The following SRGAP3 variants were observed in gnomAD, a reference collection of about 807,000 sequenced individuals.
SRGAP3 encodes SLIT-ROBO Rho GTPase activating protein 3, also known as SLIT-ROBO Rho GTPase-activating protein 3.
A neutral mutation model predicts 121.1 loss-of-function variants in SRGAP3; 39 were observed. The ratio of observed to expected loss-of-function variants is 0.32; its 90% CI spans 0.25 to 0.42. The LOEUF is 0.42. Ranked by LOEUF, SRGAP3 falls within the 10% of genes least tolerant of loss-of-function variation. The pLI is 1.00. For synonymous variants in SRGAP3, 601 were observed against 570.0 expected (o/e 1.05, Z -0.77); for missense variants, 1,213 against 1,470.6 (o/e 0.82, Z 2.86).
At chr3:8,993,189 G>GCCACTGC (rs1300199443) in intron 19 of SRGAP3, 134 bp from the exon 20 acceptor site, 64 of 1,417,048 alleles carry the variant, frequency 4.5e-5, no homozygotes, top group Non-Finnish European at 5.8e-5. Context: ...CGCTTGCTAG[G>GCCACTGC]CCACTGCCCA....
intron 1 of SRGAP3, among the ~76,000 whole-genome samples, chr3:9,141,593 T>TGTGC (rs1360606592): frequency 6.9e-6 from 1 of 144,024 alleles, no homozygotes; most frequent in Non-Finnish European, 1.5e-5. Flanking sequence ...TGTGTGTGTG[T>TGTGC]GTGTGTGTGT....
At chr3:9,272,336 CA>C (rs1954492914) in intron 3 of SRGAP3, among the ~76,000 whole-genome samples, 1 of 152,204 alleles carries the variant, frequency 6.6e-6, no homozygotes, top group Admixed American at 6.5e-5. Context: ...GTTGTGCAGC[CA>C]GCACCACCAT....
intron 1 of SRGAP3, among the ~76,000 whole-genome samples, chr3:9,174,448 G>A (rs368152610): frequency 1.1e-4 from 17 of 152,282 alleles, no homozygotes; most frequent in Admixed American, 7.8e-4. Context: ...GAAAGGAAAC[G>A]GAGGGAGAAA....
intron 4 of SRGAP3, among the ~76,000 whole-genome samples, chr3:9,072,204 C>T (rs1946754432): frequency 6.6e-6 from 1 of 152,170 alleles, no homozygotes; most frequent in Admixed American, 6.5e-5. Flanking sequence ...TGCTGCTTCC[C>T]ACCGCGCTAA....
intron 18 of SRGAP3, among the ~76,000 whole-genome samples, chr3:8,997,587 GTC>G (rs1400446600): frequency 6.6e-6 from 1 of 151,920 alleles, no homozygotes; most frequent in Non-Finnish European, 1.5e-5. Context: ...CATCTTCTCT[GTC>G]TCTCTCTCTC....
intron 11 of SRGAP3, chr3:9,037,862 G>T: frequency 5.9e-6 from 4 of 672,816 alleles, no homozygotes; most frequent in Non-Finnish European, 1.0e-5. Flanking sequence ...CGCCAGCCTG[G>T]AGGGGCGTGG....
At chr3:9,273,082 G>C (rs1469648996) in intron 3 of SRGAP3, among the ~76,000 whole-genome samples, 1 of 152,100 alleles carries the variant, frequency 6.6e-6, no homozygotes, top group Non-Finnish European at 1.5e-5. Context: ...GATGGTTTTG[G>C]GATTAAACTG....
At chr3:9,127,369 G>A (rs536063528) in intron 1 of SRGAP3, among the ~76,000 whole-genome samples, 97 of 152,332 alleles carry the variant, frequency 6.4e-4, no homozygotes, top group African/African-American at 2.2e-3. Flanking sequence ...CAGACCAGCA[G>A]CATCAGCACC....
chr3:9,073,278 C>T (rs748295055), intron 4 of SRGAP3, among the ~76,000 whole-genome samples: 9 of 152,076 alleles, frequency 5.9e-5, no homozygotes, highest in East Asian at 1.9e-4. Context: ...CGGGTAGCTG[C>T]GACTATAGGT....
intron 4 of SRGAP3, among the ~76,000 whole-genome samples, chr3:9,068,690 G>A (rs1400416659): frequency 6.6e-6 from 1 of 152,146 alleles, no homozygotes. Flanking sequence ...CAGCATGAAT[G>A]GTCCTTAGCT....
chr3:9,207,630 G>C (rs1165753356), intron 1 of SRGAP3, among the ~76,000 whole-genome samples: 5 of 152,164 alleles, frequency 3.3e-5, no homozygotes, highest in Non-Finnish European at 2.9e-5. Flanking sequence ...CCACACTACA[G>C]GTCCAGTAAA....
chr3:9,159,819 C>A (rs1229567876), intron 1 of SRGAP3, among the ~76,000 whole-genome samples: 3 of 152,150 alleles, frequency 2.0e-5, no homozygotes, highest in Non-Finnish European at 4.4e-5. Flanking sequence ...CCAGAAGAGG[C>A]CAATACTGTC....
chr3:9,305,208 T>C (rs891244688), intron 3 of SRGAP3, among the ~76,000 whole-genome samples: 6 of 151,802 alleles, frequency 4.0e-5, no homozygotes, highest in African/African-American at 9.7e-5. Flanking sequence ...GGAGGAAGGA[T>C]TGGGCAGGAA....
chr3:9,266,718 A>T (rs1436039413), intron 3 of SRGAP3, among the ~76,000 whole-genome samples: 2 of 151,986 alleles, frequency 1.3e-5, no homozygotes, highest in Non-Finnish European at 2.9e-5. Context: ...ACCAGGTGCC[A>T]GGGCAGCAGA....
chr3:9,315,547 G>A (rs942187930), intron 3 of SRGAP3, among the ~76,000 whole-genome samples: 3 of 152,158 alleles, frequency 2.0e-5, no homozygotes, highest in Non-Finnish European at 2.9e-5. Context: ...TGCTGGGGAT[G>A]GGAGACAATA....
chr3:8,992,166 T>C (rs1942095895), intron 20 of SRGAP3, among the ~76,000 whole-genome samples: 1 of 152,212 alleles, frequency 6.6e-6, no homozygotes, highest in Non-Finnish European at 1.5e-5. Context: ...TATCTGCAAA[T>C]ACCTACATGT....
chr3:9,010,845 G>T (rs1329465666), intron 17 of SRGAP3, among the ~76,000 whole-genome samples: 2 of 152,082 alleles, frequency 1.3e-5, no homozygotes, highest in African/African-American at 4.8e-5. Flanking sequence ...AACAAGGGCT[G>T]CCCTGTCTTT....
chr3:8,993,372 G>A (rs1039980316), intron 19 of SRGAP3, among the ~76,000 whole-genome samples: 2 of 152,194 alleles, frequency 1.3e-5, no homozygotes, highest in Admixed American at 6.5e-5. Flanking sequence ...TGGAGAAATG[G>A]GGGGATGGAG....
chr3:9,348,961 C>A, intron 1 of SRGAP3: 2 of 929,906 alleles, frequency 2.2e-6, no homozygotes, highest in Admixed American at 3.4e-5. Flanking sequence ...TTCCCCAGAT[C>A]AAGGAGGGGA....
Sources: gnomAD v4.1 joint callset for allele counts (sites outside exome capture counted in the v4.1 genomes callset) on GRCh38, gnomAD v4.1.1 for gene constraint, MANE v1.5 for transcripts, NCBI Gene and HGNC (gene_info 2026-07-23, HGNC 2026-07-21) for gene names.